Variants in LRRC9 observed in about 807,000 individuals in gnomAD.
LRRC9 encodes the protein leucine-rich repeat-containing protein 9.
In LRRC9, 122 loss-of-function variants were observed where a neutral mutation model predicts 63.2. The ratio of observed to expected loss-of-function variants is 1.93; its 90% CI spans 1.67 to 2.24. The LOEUF is 2.24. Among genes scored for constraint, LRRC9 ranks in the 30% most tolerant of loss-of-function variants. The pLI is 0.00. For synonymous variants in LRRC9, 366 were observed against 213.1 expected, an observed-to-expected ratio of 1.72 and a Z score of -6.25; for missense variants, 1,071 against 627.7, an observed-to-expected ratio of 1.71 and a Z score of -7.55.
intron 23 of LRRC9, among the ~76,000 whole-genome samples, chr14:60,009,301 G>A (rs898827327): frequency 2.6e-5 from 4 of 152,186 alleles, no homozygotes; most frequent in African/African-American, 9.7e-5. Context: ...TGGACTCACA[G>A]TTCCACATGG....
At position 59,932,994 on chromosome 14, in the gene LRRC9, C is replaced by G. The variant is rs1461614355; in HGVS notation, c.543+955C>G. Among the ~76,000 whole-genome samples, 1 of 152,158 alleles carries G rather than the reference C, an allele frequency of 6.6e-6. No individual in the cohort carries two copies. The highest frequency in any genetic ancestry group is 2.4e-5 in the African/African-American group (1 of 41,460). ...CCACCCCTACCTATCTCTTTGACTACAGTTTCTACCACTCTCTCCTTTGTC... is the reference window on the plus strand; with the variant it reads ...CCACCCCTACCTATCTCTTTGACTAGAGTTTCTACCACTCTCTCCTTTGTC... On this transcript the variant is annotated intron_variant, in intron 6 of 31. Transcript: ENST00000445360. This position sits in a 1 kb window ranked among gnomAD's most constrained non-coding sequence, Gnocchi z 4.7.
In LRRC9 at chr14:59,927,934, T is replaced by C. The variant is rs1432753097; in HGVS notation, c.-10T>C. Reference sequence around the variant, plus strand: ...AGTTATAATATTATGATCACTGTTTTTAATGGAAGATGATTGAAAGTGAAA... The same window carrying C: ...AGTTATAATATTATGATCACTGTTTCTAATGGAAGATGATTGAAAGTGAAA... On this transcript the variant is annotated 5_prime_UTR_variant, in exon 2 of 32. Coordinates refer to ENST00000445360, the Ensembl canonical transcript of LRRC9. This position sits in a 1 kb window ranked among gnomAD's most constrained non-coding sequence, Gnocchi z 4.4. The C allele has an allele frequency of 1.5e-6, 1 of 677,564 alleles. No homozygotes were observed. The highest frequency in any genetic ancestry group is 2.7e-6 in the Non-Finnish European group (1 of 375,514). The allele number at this position is 677,564 out of a possible 1,614,324, so 42.0% of individuals were successfully genotyped here.
intron 7 of LRRC9, among the ~76,000 whole-genome samples, chr14:59,941,703 C>G (rs1382609586): frequency 1.3e-5 from 2 of 151,936 alleles, no homozygotes; most frequent in Non-Finnish European, 2.9e-5. Context: ...TCTATGTATT[C>G]TATAGGATAC....
intron 8 of LRRC9, among the ~76,000 whole-genome samples, chr14:59,948,381 T>C (rs1882702631): frequency 7.0e-6 from 1 of 142,978 alleles, no homozygotes; most frequent in Non-Finnish European, 1.5e-5. Context: ...TTTGCTGAAG[T>C]TGCTTATCAG....
Position 60,004,498 on chromosome 14 carries a change from G to T in LRRC9, c.2842+700G>T, listed in dbSNP as rs1414196208. On this transcript the variant is annotated intron_variant, in intron 21 of 31. Transcript: ENST00000445360. This position sits in a 1 kb window ranked among gnomAD's most constrained non-coding sequence, Gnocchi z 4.8. Reference sequence around the variant, plus strand: ...GATACCAATATAATATATTTTATTTGACTGTTTAAAGTTCAGTATTAAAAC... The same window carrying T: ...GATACCAATATAATATATTTTATTTTACTGTTTAAAGTTCAGTATTAAAAC... Among the ~76,000 whole-genome samples the T allele has an allele frequency of 6.6e-6, 1 of 151,878 alleles. No individual in the cohort carries two copies. Among genetic ancestry groups the T allele is most frequent in the Non-Finnish European group, 1.5e-5 (1 of 67,904 alleles).
At chr14:60,062,012 CA>C (rs887578557) in intron 31 of LRRC9, 2 of 397,672 alleles carry the variant, frequency 5.0e-6, no homozygotes. Context: ...TAATTTCAGA[CA>C]AAAAAAACAA....
chr14:60,035,525 GAGAC>G (rs1279039738), intron 29 of LRRC9, among the ~76,000 whole-genome samples: 1 of 152,100 alleles, frequency 6.6e-6, no homozygotes, highest in Non-Finnish European at 1.5e-5. Context: ...TATATAGTGA[GAGAC>G]AGAAGTCAAT....
chr14:59,963,178 T>A (rs1410699740), intron 10 of LRRC9, among the ~76,000 whole-genome samples: 2 of 152,204 alleles, frequency 1.3e-5, no homozygotes, highest in Non-Finnish European at 2.9e-5. Context: ...AAAGATTTTC[T>A]GTTAAAATTA....
chr14:60,050,089 T>A (rs1893763290), intron 29 of LRRC9, among the ~76,000 whole-genome samples: 1 of 150,252 alleles, frequency 6.7e-6, no homozygotes, highest in South Asian at 2.2e-4. Flanking sequence ...CTCCACCTCC[T>A]GGGTTCAAGT....
chr14:60,065,240 C>T (rs1396025010), downstream of LRRC9, among the ~76,000 whole-genome samples: 5 of 151,326 alleles, frequency 3.3e-5, no homozygotes, highest in African/African-American at 9.7e-5. Context: ...ATTAGCCAGG[C>T]GTGGTGGTGT....
At chr14:59,971,042 C>T (rs914751639) in intron 12 of LRRC9, among the ~76,000 whole-genome samples, 2 of 151,912 alleles carry the variant, frequency 1.3e-5, no homozygotes, top group Admixed American at 6.6e-5. Context: ...GTGAGGGTTT[C>T]GATAGTTTTG....
At chr14:59,925,801 T>G (rs1889160194) in intron 1 of LRRC9, among the ~76,000 whole-genome samples, 1 of 152,194 alleles carries the variant, frequency 6.6e-6, no homozygotes, top group Non-Finnish European at 1.5e-5. Flanking sequence ...GTACCTTGAA[T>G]TTTGGTCTGT....
intron 31 of LRRC9, among the ~76,000 whole-genome samples, chr14:60,059,796 A>C (rs1375739717): frequency 6.6e-6 from 1 of 152,266 alleles, no homozygotes; most frequent in African/African-American, 2.4e-5. Context: ...CAGGCAACAT[A>C]AAAGTGTAAG....
Position 59,977,208 on chromosome 14 carries a change from TG to T in LRRC9, c.1640-16del, listed in dbSNP as rs1201100040. 13 of 661,782 alleles carry T rather than the reference TG, an allele frequency of 2.0e-5. No homozygotes were observed. Among genetic ancestry groups the T allele is most frequent in the South Asian group, 1.2e-4 (7 of 60,154 alleles). The allele number at this position is 661,782 out of a possible 1,614,324, so 41.0% of individuals were successfully genotyped here. ...GTTAATTATTCTTAAGAATTACTTC[TG>T]TTTTTTTATATTTAGGCATCCTCCT... On this transcript the variant is annotated splice_polypyrimidine_tract_variant and intron_variant, in intron 13 of 31. Transcript: ENST00000445360.
rs888250524 is a variant in LRRC9 at position 59,942,487 on chromosome 14, G to A, written c.727-2102G>A. 1.3e-5 allele frequency among the ~76,000 whole-genome samples: 2 copies of A among 152,022 alleles called. No individual in the cohort carries two copies. The highest frequency in any genetic ancestry group is 2.9e-5 in the Non-Finnish European group (2 of 68,004). Reference sequence around the variant, plus strand: ...CAGCGTATGAGAGTTCCGTTTTCTGGGCCCAGGTGGGCGGATCACTTGAGG... The same window carrying A: ...CAGCGTATGAGAGTTCCGTTTTCTGAGCCCAGGTGGGCGGATCACTTGAGG... On this transcript the variant is annotated intron_variant, in intron 7 of 31. Coordinates refer to ENST00000445360, the Ensembl canonical transcript of LRRC9. This position sits in a 1 kb window ranked among gnomAD's most constrained non-coding sequence, Gnocchi z 5.3.
At chr14:60,043,922 T>C (rs566954098) in intron 29 of LRRC9, among the ~76,000 whole-genome samples, 1 of 151,980 alleles carries the variant, frequency 6.6e-6, no homozygotes, top group Admixed American at 6.5e-5. Flanking sequence ...CAGCAGTGAA[T>C]TCATCAGGTA....
chr14:60,055,279 G>A (rs1894187587), intron 30 of LRRC9, among the ~76,000 whole-genome samples: 1 of 152,120 alleles, frequency 6.6e-6, no homozygotes, highest in South Asian at 2.1e-4. Context: ...AAGAAATTTA[G>A]CCATTGATCT....
At position 60,031,869 on chromosome 14, in the gene LRRC9, C is replaced by T; in HGVS notation, c.3922-126C>T. ...AATACAGAATACTGTCACTCAAGCTCACTTCAGAGAATTCAATCATGAGCT... is the reference window on the plus strand; with the variant it reads ...AATACAGAATACTGTCACTCAAGCTTACTTCAGAGAATTCAATCATGAGCT... On this transcript the variant is annotated intron_variant, in intron 28 of 31. Coordinates refer to ENST00000445360, the Ensembl canonical transcript of LRRC9. This position sits in a 1 kb window ranked among gnomAD's most constrained non-coding sequence, Gnocchi z 4.6. 1.7e-6 allele frequency: 1 copy of T among 599,254 alleles called. No homozygotes were observed. Among genetic ancestry groups the T allele is most frequent in the Middle Eastern group, 4.1e-4 (1 of 2,412 alleles). 37.1% of individuals were successfully genotyped at this position (599,254 alleles called of 1,614,324 possible). A position where few individuals can be genotyped will look rare whatever the true frequency, so the allele number is the denominator to read the frequency against.
At chr14:60,013,302 C>G (rs1890408499) in intron 23 of LRRC9, among the ~76,000 whole-genome samples, 1 of 151,876 alleles carries the variant, frequency 6.6e-6, no homozygotes, top group Non-Finnish European at 1.5e-5. Flanking sequence ...TAGGACAGGC[C>G]ATCAGGAAGG....
Sources: gnomAD v4.1 joint callset for allele counts (sites outside exome capture counted in the v4.1 genomes callset) on GRCh38, gnomAD v4.1.1 for gene constraint, Gnocchi (gnomAD v3.1) non-coding constraint, MANE v1.5 for transcripts, NCBI Gene and HGNC (gene_info 2026-07-23, HGNC 2026-07-21) for gene names.